The following PTPN14 variants were observed in gnomAD, a reference collection of about 807,000 sequenced individuals.
PTPN14 encodes the protein tyrosine-protein phosphatase non-receptor type 14.
A neutral mutation model predicts 126.8 loss-of-function variants in PTPN14; 53 were observed. That is an observed-to-expected ratio of 0.42 (90% CI 0.34 to 0.53). The LOEUF is 0.53. Among genes scored for constraint, PTPN14 ranks in the 20% least tolerant of loss-of-function variants. The probability of loss-of-function intolerance (pLI) is 0.08; values close to 1 mark genes in which losing one functional copy is unlikely to be tolerated. For synonymous variants in PTPN14, 630 were observed against 599.3 expected (o/e 1.05, Z -0.75); for missense variants, 1,257 against 1,552.9 (o/e 0.81, Z 3.20).
At chr1:214,481,215 A>G (rs1660977251) in intron 1 of PTPN14, among the ~76,000 whole-genome samples, 1 of 152,214 alleles carries the variant, frequency 6.6e-6, no homozygotes, top group Admixed American at 6.5e-5. Flanking sequence ...GCAGCACAAG[A>G]ATAAAAACTG....
intron 9 of PTPN14, 52 bp downstream of exon 9, chr1:214,394,847 G>A: frequency 6.6e-7 from 1 of 1,509,936 alleles, no homozygotes; most frequent in Non-Finnish European, 9.2e-7. Flanking sequence ...GAGTTGAAAA[G>A]TCCAAAAGCC....
At chr1:214,485,998 T>C (rs2102411677) in intron 1 of PTPN14, among the ~76,000 whole-genome samples, 1 of 152,274 alleles carries the variant, frequency 6.6e-6, no homozygotes, top group Admixed American at 6.5e-5. Context: ...AGTATTGGGA[T>C]TACAGGCGTG....
At chr1:214,516,037 T>G (rs894818398) in intron 1 of PTPN14, among the ~76,000 whole-genome samples, 1 of 152,174 alleles carries the variant, frequency 6.6e-6, no homozygotes, top group Non-Finnish European at 1.5e-5. Context: ...AGGTATAATT[T>G]CCTGCACTCC....
intron 9 of PTPN14, among the ~76,000 whole-genome samples, chr1:214,394,310 G>A (rs532203784): frequency 1.3e-5 from 2 of 152,264 alleles, no homozygotes; most frequent in African/African-American, 2.4e-5. Context: ...TGAGGAAGGC[G>A]GCACACCAGA....
intron 1 of PTPN14, among the ~76,000 whole-genome samples, chr1:214,482,494 A>T (rs1661012628): frequency 6.6e-6 from 1 of 152,232 alleles, no homozygotes; most frequent in South Asian, 2.1e-4. Context: ...TAATTAAAGA[A>T]ATATCTGAAA....
chr1:214,525,258 T>C (rs765834853), intron 1 of PTPN14, among the ~76,000 whole-genome samples: 1 of 152,214 alleles, frequency 6.6e-6, no homozygotes, highest in Non-Finnish European at 1.5e-5. Flanking sequence ...TAAATTCTAC[T>C]AAACCTCTTA....
chr1:214,465,012 T>C, intron 1 of PTPN14, 55 bp from the exon 2 acceptor site: 2 of 501,080 alleles, frequency 4.0e-6, no homozygotes, highest in Non-Finnish European at 7.1e-6. Flanking sequence ...CTATCAATGG[T>C]ACCATATTCC....
intron 1 of PTPN14, among the ~76,000 whole-genome samples, chr1:214,499,519 A>G (rs990246399): frequency 9.8e-5 from 15 of 152,332 alleles, no homozygotes; most frequent in African/African-American, 3.4e-4. Context: ...TGTATGCCAA[A>G]AAGATTTGTA....
At chr1:214,392,896 T>C (rs1658790680) in intron 10 of PTPN14, among the ~76,000 whole-genome samples, 1 of 152,184 alleles carries the variant, frequency 6.6e-6, no homozygotes, top group Admixed American at 6.5e-5. Flanking sequence ...CTACATACTC[T>C]CGGATGTGTC....
At chr1:214,422,389 C>G (rs988615856) in intron 3 of PTPN14, among the ~76,000 whole-genome samples, 2 of 152,200 alleles carry the variant, frequency 1.3e-5, no homozygotes, top group Non-Finnish European at 2.9e-5. Context: ...CACCAATGCT[C>G]CATGCTAACC....
chr1:214,495,673 T>G (rs1661347993), intron 1 of PTPN14, among the ~76,000 whole-genome samples: 1 of 35,996 alleles, frequency 2.8e-5, no homozygotes, highest in South Asian at 1.1e-3. Context: ...TTTTATTTAT[T>G]TATTTATTTA....
At chr1:214,493,031 T>G (rs1459655320) in intron 1 of PTPN14, among the ~76,000 whole-genome samples, 2 of 151,960 alleles carry the variant, frequency 1.3e-5, no homozygotes, top group African/African-American at 4.8e-5. Flanking sequence ...CAACAGGCAG[T>G]GGTGGTGACT....
At chr1:214,539,972 T>C (rs1366565920) in intron 1 of PTPN14, among the ~76,000 whole-genome samples, 2 of 152,176 alleles carry the variant, frequency 1.3e-5, no homozygotes, top group Non-Finnish European at 2.9e-5. Context: ...TTCTAAAGAA[T>C]ATAATTAAGA....
At chr1:214,479,190 T>A (rs1325080130) in intron 1 of PTPN14, among the ~76,000 whole-genome samples, 1 of 151,882 alleles carries the variant, frequency 6.6e-6, no homozygotes, top group Non-Finnish European at 1.5e-5. Flanking sequence ...CTACAAAAAA[T>A]TTAAAAATTA....
chr1:214,398,613 ATTT>A (rs56339386), intron 7 of PTPN14, among the ~76,000 whole-genome samples: 6 of 108,892 alleles, frequency 5.5e-5, no homozygotes, highest in South Asian at 5.8e-4. Context: ...TGCCCTGCTA[ATTT>A]TTTTTTTTTT....
At chr1:214,371,755 G>T (rs1658223314) in intron 16 of PTPN14, among the ~76,000 whole-genome samples, 1 of 152,182 alleles carries the variant, frequency 6.6e-6, no homozygotes, top group African/African-American at 2.4e-5. Flanking sequence ...GGTCAAACAG[G>T]TCAGCCCAGG....
chr1:214,410,491 C>T (rs573038826), intron 5 of PTPN14, among the ~76,000 whole-genome samples: 70 of 152,254 alleles, frequency 4.6e-4, no homozygotes, highest in Non-Finnish European at 8.2e-4. Flanking sequence ...TGGGGTTTCA[C>T]CATATTGTCC....
intron 3 of PTPN14, among the ~76,000 whole-genome samples, chr1:214,422,690 G>GA: frequency 6.6e-6 from 1 of 152,304 alleles, no homozygotes; most frequent in South Asian, 2.1e-4. Context: ...CTACCAGGCG[G>GA]AAATACAGTG....
rs1159209240 is a variant in PTPN14 at position 214,436,786 on chromosome 1, C to CAAAA, written c.344+15015_344+15018dup. ...TGGGCGACAGAGAAAGACTCCGTCT[C>CAAAA]AAAAAAAAAAAAAAAAAAAAAAAAA... On this transcript the variant is annotated intron_variant, in intron 3 of 18. Coordinates refer to ENST00000366956, the MANE Select transcript of PTPN14 (RefSeq NM_005401.5). 1.7e-4 allele frequency among the ~76,000 whole-genome samples: 8 copies of CAAAA among 46,654 alleles called. No individual in the cohort carries two copies. The South Asian group carries it at 3.2e-3, about 19-fold the overall frequency. 30.6% of individuals were successfully genotyped at this position (46,654 alleles called of 152,430 possible).
Sources: gnomAD v4.1 joint callset for allele counts (sites outside exome capture counted in the v4.1 genomes callset) on GRCh38, gnomAD v4.1.1 for gene constraint, MANE v1.5 for transcripts, NCBI Gene and HGNC (gene_info 2026-07-23, HGNC 2026-07-21) for gene names.